Variants in CFAP54 observed in about 807,000 individuals in gnomAD.
The protein encoded by CFAP54 is cilia and flagella associated protein 54.
In CFAP54, 290 loss-of-function variants were observed where a neutral mutation model predicts 370.4. The observed-to-expected ratio is 0.78, with a 90% CI of 0.71 to 0.86. The LOEUF is 0.86. Among genes scored for constraint, CFAP54 ranks in the 40% least tolerant of loss-of-function variants. The pLI is 0.00. For synonymous variants in CFAP54, 1,206 were observed against 1,236.5 expected (o/e 0.98, Z 0.52); for missense variants, 3,399 against 3,528.7 (o/e 0.96, Z 0.93).
At chr12:96,764,352 A>G (rs1264882363) in intron 59 of CFAP54, 103 bp downstream of exon 59, 3 of 776,744 alleles carry the variant, frequency 3.9e-6, no homozygotes, top group Non-Finnish European at 5.9e-6. Context: ...GTTGGGTGTG[A>G]TACCTCATGC....
chr12:96,585,596 A>G (rs1218655114), intron 22 of CFAP54, among the ~76,000 whole-genome samples: 1 of 152,222 alleles, frequency 6.6e-6, no homozygotes, highest in Non-Finnish European at 1.5e-5. Flanking sequence ...TGCTGGGATT[A>G]CAGGCATGAG....
chr12:96,783,827 G>A (rs372879767), intron 60 of CFAP54, among the ~76,000 whole-genome samples: 1 of 152,018 alleles, frequency 6.6e-6, no homozygotes, highest in Admixed American at 6.6e-5. Context: ...AGAAGGTTGC[G>A]GTGAGCCAAG....
intron 41 of CFAP54, 75 bp downstream of exon 41, chr12:96,684,810 A>C (rs569873603): frequency 1.4e-4 from 177 of 1,286,030 alleles, no homozygotes; most frequent in Non-Finnish European, 2.0e-5. Flanking sequence ...TTAATGAAAA[A>C]ACATTGTCTT....
intron 4 of CFAP54, among the ~76,000 whole-genome samples, chr12:96,509,041 C>T (rs917642244): frequency 1.3e-5 from 2 of 152,170 alleles, no homozygotes; most frequent in Non-Finnish European, 2.9e-5. Flanking sequence ...TGAATGCCTA[C>T]CATATGCTAG....
At chr12:96,869,756 C>T (rs937785464) in intron 67 of CFAP54, among the ~76,000 whole-genome samples, 3 of 151,150 alleles carry the variant, frequency 2.0e-5, no homozygotes, top group South Asian at 2.1e-4. Context: ...ACCAACATGG[C>T]GAAACCCTGT....
intron 55 of CFAP54, among the ~76,000 whole-genome samples, chr12:96,745,133 A>T (rs1004921658): frequency 6.6e-6 from 1 of 152,246 alleles, no homozygotes; most frequent in Admixed American, 6.5e-5. Context: ...TATTGTGAAT[A>T]GTGCTGCAGT....
intron 22 of CFAP54, among the ~76,000 whole-genome samples, chr12:96,587,167 T>C (rs1452790583): frequency 1.3e-5 from 2 of 151,942 alleles, no homozygotes; most frequent in African/African-American, 4.8e-5. Context: ...TTAGTATATA[T>C]GGAGAGAATT....
intron 13 of CFAP54, 55 bp downstream of exon 13, chr12:96,538,573 T>C: frequency 1.3e-6 from 2 of 1,507,254 alleles, no homozygotes; most frequent in Non-Finnish European, 1.8e-6. Flanking sequence ...TTATTCAAGT[T>C]GCCACACACA....
chr12:96,625,301 AG>A (rs1406350820), intron 28 of CFAP54, among the ~76,000 whole-genome samples: 1 of 152,214 alleles, frequency 6.6e-6, no homozygotes, highest in Admixed American at 6.5e-5. Flanking sequence ...AAAATGTCAT[AG>A]TTAGAATTTG....
intron 40 of CFAP54, 151 bp downstream of exon 40, chr12:96,679,903 C>A: frequency 1.4e-6 from 1 of 736,976 alleles, no homozygotes; most frequent in Non-Finnish European, 2.2e-6. Flanking sequence ...TGGATCTATT[C>A]TGTGTCTTAC....
intron 5 of CFAP54, among the ~76,000 whole-genome samples, chr12:96,516,671 A>G (rs1955238896): frequency 6.6e-6 from 1 of 152,238 alleles, no homozygotes; most frequent in Non-Finnish European, 1.5e-5. Context: ...TATAGTACTC[A>G]GCAAACATTA....
At chr12:96,598,507 C>G (rs549299650) in intron 25 of CFAP54, 138 bp from the exon 26 acceptor site, 1 of 427,124 alleles carries the variant, frequency 2.3e-6, no homozygotes, top group East Asian at 3.3e-5. Context: ...TCCTTTATTC[C>G]TAATAAACAA....
At chr12:96,505,156 T>C (rs1592818450) in intron 3 of CFAP54, among the ~76,000 whole-genome samples, 3 of 151,644 alleles carry the variant, frequency 2.0e-5, no homozygotes, top group African/African-American at 4.8e-5. Context: ...CTCTGCCTCC[T>C]AGGTTCAAGC....
chr12:96,545,945 C>A (rs1462838376), intron 14 of CFAP54, among the ~76,000 whole-genome samples: 1 of 152,194 alleles, frequency 6.6e-6, no homozygotes, highest in Non-Finnish European at 1.5e-5. Flanking sequence ...TGCTATGTAT[C>A]TCTTTATCTG....
intron 39 of CFAP54, among the ~76,000 whole-genome samples, chr12:96,675,731 A>G (rs1365138891): frequency 1.3e-5 from 2 of 152,308 alleles, no homozygotes; most frequent in Non-Finnish European, 1.5e-5. Context: ...AATGTGGCAC[A>G]TATACACCAT....
chr12:96,689,524 T>G (rs1957367066), intron 43 of CFAP54, among the ~76,000 whole-genome samples: 2 of 152,128 alleles, frequency 1.3e-5, no homozygotes, highest in Non-Finnish European at 2.9e-5. Context: ...GTTTTACAGA[T>G]GGGGAAACTG....
rs546930629 is a variant in CFAP54 at position 96,544,618 on chromosome 12, G to A, written c.2078-3284G>A. Reference sequence around the variant, plus strand: ...TAAGACTCATTTCAGAAGGGGTCCTGCCCCATACCCAGGAGGAAGGAACGT... The same window carrying A: ...TAAGACTCATTTCAGAAGGGGTCCTACCCCATACCCAGGAGGAAGGAACGT... On this transcript the variant is annotated intron_variant, in intron 14 of 67. Transcript: ENST00000524981. Among the ~76,000 whole-genome samples, 11 of 152,280 alleles carry A rather than the reference G, an allele frequency of 7.2e-5. No homozygotes were observed. The South Asian group carries it at 2.1e-3, about 29-fold the overall frequency.
chr12:96,588,162 C>T (rs1302114086), intron 22 of CFAP54, among the ~76,000 whole-genome samples: 1 of 151,664 alleles, frequency 6.6e-6, no homozygotes, highest in Admixed American at 6.6e-5. Context: ...TTTTTTTCAT[C>T]TCAGACCTTG....
intron 39 of CFAP54, among the ~76,000 whole-genome samples, chr12:96,674,241 T>G (rs1957178230): frequency 6.6e-6 from 1 of 152,138 alleles, no homozygotes; most frequent in South Asian, 2.1e-4. Context: ...TCAGATCACT[T>G]GCTGGGATCC....
Sources: allele counts gnomAD v4.1 joint callset (sites outside exome capture counted in the v4.1 genomes callset), GRCh38; gene constraint gnomAD v4.1.1; transcripts MANE v1.5; gene names NCBI Gene and HGNC (gene_info 2026-07-23, HGNC 2026-07-21).